The following RET variants were observed in gnomAD, a reference collection of about 807,000 sequenced individuals.
RET encodes the protein proto-oncogene tyrosine-protein kinase receptor Ret.
RET carries 19 observed loss-of-function variants against 118.3 expected under a neutral mutation model. The ratio of observed to expected loss-of-function variants is 0.16; its 90% confidence interval spans 0.11 to 0.24. The LOEUF (loss-of-function observed/expected upper bound fraction) is 0.24, where lower values mean the gene tolerates loss of function less well. Ranked by LOEUF, RET falls within the 10% of genes least tolerant of loss-of-function variation. The probability of loss-of-function intolerance (pLI) is 1.00; values close to 1 mark genes in which losing one functional copy is unlikely to be tolerated. For missense variants in RET, 1,219 were observed against 1,502.1 expected (o/e 0.81, Z 3.12); for synonymous variants, 597 against 644.1 (o/e 0.93, Z 1.11).
At chr10:43,094,712 G>T (rs72781226) in intron 1 of RET, among the ~76,000 whole-genome samples, 4,961 of 152,340 alleles carry the variant, frequency 0.033, 104 homozygotes, top group South Asian at 0.077. Context: ...CTTAGTATGT[G>T]TGCACCGAGG....
At chr10:43,123,563 G>T in intron 16 of RET, 108 bp from the exon 17 acceptor site, 1 of 1,456,992 alleles carries the variant, frequency 6.9e-7, no homozygotes. Context: ...TGTGCTTGAA[G>T]CCGACAGGGT....
chr10:43,107,968 A>G (rs1028954567), intron 5 of RET, among the ~76,000 whole-genome samples: 2 of 152,094 alleles, frequency 1.3e-5, no homozygotes, highest in Non-Finnish European at 2.9e-5. Context: ...GAGGCCTGCT[A>G]TGTGTCGCCT....
intron 1 of RET, among the ~76,000 whole-genome samples, chr10:43,095,453 G>T (rs2435346): frequency 5.8e-4 from 89 of 152,182 alleles, no homozygotes; most frequent in African/African-American, 1.9e-3. Flanking sequence ...CTCCAGGCCC[G>T]CCTGGGCATG....
chr10:43,084,055 C>T (rs896767903), intron 1 of RET, among the ~76,000 whole-genome samples: 3 of 152,216 alleles, frequency 2.0e-5, no homozygotes, highest in South Asian at 4.1e-4. Flanking sequence ...CTTCAGGGTT[C>T]CTCTAGGCTG....
chr10:43,106,349 C>A lies in RET; in HGVS notation c.868-27C>A, dbSNP rs1473020840. ...GTCTGAGGGGCCCATCTCGCCTGCA[C>A]TGACCAACGCCCTCTGCATCCTGCA... On this transcript the variant is annotated intron_variant, in intron 4 of 19. Transcript: ENST00000355710. This position sits in a 1 kb window ranked among gnomAD's most constrained non-coding sequence, Gnocchi z 5.1. 6 of 1,603,684 alleles carry A rather than the reference C, an allele frequency of 3.7e-6. No individual in the cohort carries two copies. In the South Asian group the frequency reaches 5.5e-5, roughly 15 times the overall value.
At position 43,119,764 on chromosome 10, in the gene RET, G is replaced by A. The variant is rs1385656561; in HGVS notation, c.2607+19G>A. 6.2e-7 allele frequency: 1 copy of A among 1,610,888 alleles called. No homozygotes were observed. Among genetic ancestry groups the A allele is most frequent in the Admixed American group, 1.7e-5 (1 of 59,998 alleles). On this transcript the variant is annotated intron_variant, in intron 14 of 19. Transcript: ENST00000355710. The stretch of plus-strand genomic sequence containing the variant: ...GATGAAGGTGCGTGCATATGGCTCT[G>A]CACCCAGCCAGCCCCGGCCAGGCCA...
In RET at chr10:43,105,069, G is replaced by T. The variant is rs749189193; in HGVS notation, c.743G>T (p.Gly248Val). The change falls in exon 4 of 20, where the codon GGC becomes GTC. Residue 248 changes from glycine (G) to valine (V), a missense_variant. This residue lies in a region of RET where 850 missense variants were observed against 969.6 expected (regional missense o/e 0.88). Transcript: ENST00000355710. ...GTGGCCGTGTGCACCGTGCACGCCG[G>T]CGCGCGCGAGGAGGTGGTGATGGTG... ...ELVAVCTVHA[G>V]AREEVVMVPF... 1 of 1,610,362 alleles carries T rather than the reference G, an allele frequency of 6.2e-7. No individual in the cohort carries two copies. Among genetic ancestry groups the T allele is most frequent in the Non-Finnish European group, 8.5e-7 (1 of 1,179,682 alleles).
At chr10:43,079,488 T>C (rs2506011) in intron 1 of RET, among the ~76,000 whole-genome samples, 57,122 of 152,140 alleles carry the variant, frequency 0.38, 10,864 homozygotes, top group Admixed American at 0.42. Context: ...TGGCATTTCA[T>C]TGCTCAACAC....
At position 43,102,394 on chromosome 10, in the gene RET, A is replaced by G; in HGVS notation, c.390A>G (p.Thr130=). The change falls in exon 3 of 20, where the codon ACA becomes ACG. Residue 130 remains threonine, a synonymous_variant. Coordinates refer to ENST00000355710, the MANE Select transcript of RET (RefSeq NM_020975.6). ...TVYLKVFLSP[T]SLREGECQWP... ...ACCTCAAGGTCTTCCTGTCACCCAC[A>G]TCCCTTCGTGAGGGCGAGTGCCAGT... 1 of 1,614,144 alleles carries G rather than the reference A, an allele frequency of 6.2e-7. No individual in the cohort carries two copies. Among genetic ancestry groups the G allele is most frequent in the Non-Finnish European group, 8.5e-7 (1 of 1,180,030 alleles).
At chr10:43,089,222 A>T (rs139307326) in intron 1 of RET, among the ~76,000 whole-genome samples, 1 of 152,306 alleles carries the variant, frequency 6.6e-6, no homozygotes, top group East Asian at 1.9e-4. Context: ...GAGGGTGCAC[A>T]TGGGTGCCCC....
rs1838034257 is a variant in RET at position 43,114,796 on chromosome 10, G to A, written c.2136+60G>A. ...CCCTCCCCAGCTGCCTTCCAGGGAG[G>A]GAGGCCAGCTGGGGAGACAGAGGCC... is the stretch of plus-strand genomic sequence containing the variant. On this transcript the variant is annotated intron_variant, in intron 11 of 19. Transcript: ENST00000355710. The surrounding 1 kb of genome is among the most constrained non-coding windows in gnomAD (Gnocchi z 4.6). The A allele has an allele frequency of 6.5e-7, 1 of 1,538,104 alleles. No individual in the cohort carries two copies. The highest frequency in any genetic ancestry group is 8.7e-7 in the Non-Finnish European group (1 of 1,145,270).
In RET at chr10:43,106,712, C is replaced by T; in HGVS notation, c.1063+141C>T. On this transcript the variant is annotated intron_variant, in intron 5 of 19. Transcript: ENST00000355710. The surrounding 1 kb of genome is among the most constrained non-coding windows in gnomAD (Gnocchi z 5.1). ...AGCCACTTCCCCTCCACCCTCTGCC[C>T]AGCACTTCCTGTGTCTCTGCCAGGC... 2.3e-6 allele frequency: 2 copies of T among 867,946 alleles called. No homozygotes were observed. Among genetic ancestry groups the T allele is most frequent in the Admixed American group, 4.4e-5 (2 of 45,420 alleles). The allele number at this position is 867,946 out of a possible 1,614,324, so 53.8% of individuals were successfully genotyped here. A position where few individuals can be genotyped will look rare whatever the true frequency, so the allele number is the denominator to read the frequency against.
At chr10:43,093,200 G>A (rs889053887) in intron 1 of RET, among the ~76,000 whole-genome samples, 3 of 152,054 alleles carry the variant, frequency 2.0e-5, no homozygotes, top group Admixed American at 1.3e-4. Flanking sequence ...TGCAAGCAGC[G>A]GACAGTTAAC....
chr10:43,121,846 G>C, intron 15 of RET, 100 bp from the exon 16 acceptor site: 1 of 871,022 alleles, frequency 1.1e-6, no homozygotes, highest in Non-Finnish European at 2.0e-6. Context: ...GCACTCCTCT[G>C]GTTACTGAAA....
At chr10:43,109,513 C>T (rs1019620356) in intron 6 of RET, among the ~76,000 whole-genome samples, 9 of 152,168 alleles carry the variant, frequency 5.9e-5, no homozygotes, top group African/African-American at 2.2e-4. Context: ...CTGGGTAAAT[C>T]TGCATATGGT....
At position 43,104,963 on chromosome 10, in the gene RET, C is replaced by T. The variant is rs1837727684; in HGVS notation, c.637C>T (p.Pro213Ser). The T allele has an allele frequency of 6.4e-7, 1 of 1,567,828 alleles. No homozygotes were observed. The highest frequency in any genetic ancestry group is 1.2e-5 in the South Asian group (1 of 86,754). ...AYRLLEGEGLPFRCAPDSLEV... is the reference protein window; with the variant it reads ...AYRLLEGEGLSFRCAPDSLEV... ...TGCTTGGTGCGCAGGTGAGGGTCTG[C>T]CCTTCCGCTGCGCCCCGGACAGCCT... The change falls in exon 4 of 20, where the codon CCC (proline) becomes TCC (serine). Residue 213 changes from proline to serine, a missense_variant. Physicochemically the swap from Pro to Ser is moderately conservative, Grantham distance 74. Transcript: ENST00000355710.
In RET at chr10:43,112,840, G is replaced by A. The variant is rs1837970784; in HGVS notation, c.1649-13G>A. The A allele has an allele frequency of 6.2e-7, 1 of 1,608,636 alleles. No homozygotes were observed. On this transcript the variant is annotated splice_polypyrimidine_tract_variant and intron_variant, in intron 8 of 19. Coordinates refer to ENST00000355710, the MANE Select transcript of RET (RefSeq NM_020975.6). ...TCCCACATGGGTGACAGCCTGCTGT[G>A]TGTCCTGTGCAGGGATCACCAGGAA... is the stretch of plus-strand genomic sequence containing the variant.
At chr10:43,081,247 G>A (rs986003656) in intron 1 of RET, among the ~76,000 whole-genome samples, 2 of 148,768 alleles carry the variant, frequency 1.3e-5, no homozygotes, top group Middle Eastern at 3.2e-3. Flanking sequence ...CTCCCTCCCC[G>A]TTCTCTGCTG....
chr10:43,111,106 G>A (rs991906158), intron 6 of RET, 101 bp from the exon 7 acceptor site: 7 of 1,555,260 alleles, frequency 4.5e-6, no homozygotes, highest in Admixed American at 3.4e-5. Context: ...AGGCCCAGTT[G>A]GGGGCTGTTC....
Sources: gnomAD v4.1 joint callset for allele counts (sites outside exome capture counted in the v4.1 genomes callset) on GRCh38, gnomAD v4.1.1 for gene constraint, gnomAD v4.1.1 regional missense constraint, Gnocchi (gnomAD v3.1) non-coding constraint, MANE v1.5 for transcripts, NCBI Gene and HGNC (gene_info 2026-07-23, HGNC 2026-07-21) for gene names.